The following CADPS variants were observed in gnomAD, a reference collection of about 807,000 sequenced individuals.
The protein encoded by CADPS is calcium-dependent secretion activator 1.
CADPS carries 57 observed loss-of-function variants against 167.3 expected under a neutral mutation model. The observed-to-expected ratio is 0.34, with a 90% CI of 0.28 to 0.42. The LOEUF is 0.42. CADPS is among the 20% of genes least tolerant of loss of function. The probability of loss-of-function intolerance (pLI) is 1.00; values close to 1 mark genes in which losing one functional copy is unlikely to be tolerated. For missense variants in CADPS, 1,414 were observed against 1,738.1 expected (o/e 0.81, Z 3.32); for synonymous variants, 676 against 635.3 (o/e 1.06, Z -0.96).
At chr3:62,626,342 T>A in intron 6 of CADPS, 1 of 464,452 alleles carries the variant, frequency 2.2e-6, no homozygotes. Flanking sequence ...CTGGCACGGA[T>A]TTACTAAACA....
At chr3:62,464,262 A>G (rs2059695940) in intron 26 of CADPS, among the ~76,000 whole-genome samples, 1 of 152,160 alleles carries the variant, frequency 6.6e-6, no homozygotes, top group South Asian at 2.1e-4. Flanking sequence ...TGGCAATGGG[A>G]TTTGAGCCTG....
intron 6 of CADPS, among the ~76,000 whole-genome samples, chr3:62,605,764 A>T (rs897470385): frequency 3.3e-5 from 5 of 152,224 alleles, no homozygotes; most frequent in African/African-American, 1.2e-4. Context: ...TCCTAGCCTG[A>T]TTCTCAATAA....
chr3:62,844,146 A>G (rs963294027), intron 1 of CADPS, among the ~76,000 whole-genome samples: 1 of 152,212 alleles, frequency 6.6e-6, no homozygotes, highest in African/African-American at 2.4e-5. Context: ...GGATGGGGGA[A>G]AAAGCAGAGA....
intron 1 of CADPS, among the ~76,000 whole-genome samples, chr3:62,787,693 A>T (rs2092587498): frequency 6.6e-6 from 1 of 152,182 alleles, no homozygotes; most frequent in South Asian, 2.1e-4. Context: ...TTGGAATCAG[A>T]CTGCTTAAGT....
At chr3:62,841,140 T>C (rs1364583810) in intron 1 of CADPS, among the ~76,000 whole-genome samples, 2 of 152,172 alleles carry the variant, frequency 1.3e-5, no homozygotes, top group African/African-American at 4.8e-5. Context: ...CATTGGCAAA[T>C]ATGTCCTCTG....
Position 62,728,353 on chromosome 3 carries a change from A to C in CADPS, c.888+25088T>G, listed in dbSNP as rs550130578. 1.4e-4 allele frequency among the ~76,000 whole-genome samples: 22 copies of C among 151,968 alleles called. No homozygotes were observed. The South Asian group carries it at 4.6e-3, about 32-fold the overall frequency. On this transcript the variant is annotated intron_variant, in intron 3 of 29. Transcript: ENST00000383710. ...TTATATGTTCCTTACTACCTTTAAC[A>C]ATCTGTTTACAACCTAATTAGGAAA...
chr3:62,649,506 G>A (rs1321948901), intron 5 of CADPS, among the ~76,000 whole-genome samples: 4 of 138,542 alleles, frequency 2.9e-5, no homozygotes, highest in Non-Finnish European at 3.0e-5. Flanking sequence ...TTTGCCTTTC[G>A]GACCTTTTAT....
At chr3:62,451,183 C>T (rs1360014376) in intron 26 of CADPS, among the ~76,000 whole-genome samples, 1 of 152,092 alleles carries the variant, frequency 6.6e-6, no homozygotes, top group Non-Finnish European at 1.5e-5. Flanking sequence ...CCTCACTTAG[C>T]CAGTGTAGAC....
intron 1 of CADPS, among the ~76,000 whole-genome samples, chr3:62,791,677 G>A (rs565055210): frequency 1.6e-4 from 24 of 152,288 alleles, no homozygotes; most frequent in Middle Eastern, 3.4e-3. Context: ...CATGGCACCA[G>A]GCACCGGATA....
chr3:62,807,444 T>C (rs6445298), intron 1 of CADPS, among the ~76,000 whole-genome samples: 2,082 of 151,986 alleles, frequency 0.014, 46 homozygotes, highest in African/African-American at 0.047. Context: ...GCATTTTTAG[T>C]AGAGATGAGG....
At chr3:62,806,730 T>C (rs1056137731) in intron 1 of CADPS, among the ~76,000 whole-genome samples, 3 of 152,062 alleles carry the variant, frequency 2.0e-5, no homozygotes, top group Non-Finnish European at 4.4e-5. Context: ...GTTTAACTAA[T>C]ATTAACCTCA....
intron 3 of CADPS, among the ~76,000 whole-genome samples, chr3:62,752,871 C>T (rs1469319946): frequency 6.6e-6 from 1 of 152,246 alleles, no homozygotes; most frequent in Non-Finnish European, 1.5e-5. Context: ...AGATACCTCG[C>T]TTCCCTAATC....
intron 3 of CADPS, among the ~76,000 whole-genome samples, chr3:62,694,142 T>G (rs1036646482): frequency 4.6e-5 from 7 of 152,104 alleles, no homozygotes; most frequent in African/African-American, 1.7e-4. Flanking sequence ...CTGGCCTAGC[T>G]AAGGCCACTG....
intron 1 of CADPS, among the ~76,000 whole-genome samples, chr3:62,798,095 C>A (rs1461782980): frequency 6.6e-6 from 1 of 152,116 alleles, no homozygotes; most frequent in Admixed American, 6.6e-5. Context: ...AATAAACATT[C>A]CAGACTGAGA....
chr3:62,581,469 G>T (rs62243551), intron 8 of CADPS, among the ~76,000 whole-genome samples: 1 of 117,214 alleles, frequency 8.5e-6, no homozygotes, highest in Non-Finnish European at 1.8e-5. Context: ...AAAAAAAAAG[G>T]AGTTCGAGAC....
At position 62,486,745 on chromosome 3, in the gene CADPS, G is replaced by A. The variant is rs188865711; in HGVS notation, c.3026+4594C>T. ...GGAAGAAAAATGCTTTATTGAAGTG[G>A]TAGTGTAAAATCTCTGGTGGTGTTA... On this transcript the variant is annotated intron_variant, in intron 21 of 29. Coordinates refer to ENST00000383710, the MANE Select transcript of CADPS (RefSeq NM_003716.4). Among the ~76,000 whole-genome samples, 25 of 152,346 alleles carry A rather than the reference G, an allele frequency of 1.6e-4. No homozygotes were observed. The South Asian group carries it at 5.0e-3, about 30-fold the overall frequency.
At chr3:62,533,115 C>T in intron 12 of CADPS, 57 bp from the exon 13 acceptor site, 1 of 1,509,014 alleles carries the variant, frequency 6.6e-7, no homozygotes, top group Non-Finnish European at 9.1e-7. Context: ...TTCTGGAGAG[C>T]TGCTAGAGTT....
intron 2 of CADPS, among the ~76,000 whole-genome samples, chr3:62,761,935 G>T (rs1033476447): frequency 2.2e-4 from 34 of 152,156 alleles, no homozygotes; most frequent in African/African-American, 8.0e-4. Flanking sequence ...GATCCGCTCT[G>T]ACAATCAGGG....
intron 9 of CADPS, among the ~76,000 whole-genome samples, chr3:62,564,268 T>C (rs1186995274): frequency 2.6e-5 from 4 of 152,170 alleles, no homozygotes; most frequent in Non-Finnish European, 5.9e-5. Context: ...CCCAAACTGC[T>C]GGGATTACAG....
Sources: gnomAD v4.1 joint callset for allele counts (sites outside exome capture counted in the v4.1 genomes callset) on GRCh38, gnomAD v4.1.1 for gene constraint, MANE v1.5 for transcripts, NCBI Gene and HGNC (gene_info 2026-07-23, HGNC 2026-07-21) for gene names.